The following LIMCH1 variants were observed in gnomAD, a reference collection of about 807,000 sequenced individuals.
The protein encoded by LIMCH1 is LIM and calponin homology domains 1, also known as LIM and calponin homology domains-containing protein 1.
Under a neutral mutation model 176.5 loss-of-function variants are expected in LIMCH1, and 113 were observed. The observed-to-expected ratio is 0.64, with a 90% CI of 0.55 to 0.75. LIMCH1 has a LOEUF of 0.75. Among genes scored for constraint, LIMCH1 ranks in the 30% least tolerant of loss-of-function variants. The pLI is 0.00. For synonymous variants in LIMCH1, 619 were observed against 645.9 expected, an observed-to-expected ratio of 0.96 and a Z score of 0.63; for missense variants, 1,674 against 1,814.9, an observed-to-expected ratio of 0.92 and a Z score of 1.41.
Position 41,697,249 on chromosome 4 carries a change from T to G in LIMCH1, c.*64T>G. 6.6e-7 allele frequency: 1 copy of G among 1,504,840 alleles called. No homozygotes were observed. The highest frequency in any genetic ancestry group is 9.2e-7 in the Non-Finnish European group (1 of 1,082,148). The allele number at this position is 1,504,840 out of a possible 1,614,324, so 93.2% of individuals were successfully genotyped here. On this transcript the variant is annotated 3_prime_UTR_variant, in exon 32 of 32. Coordinates refer to ENST00000503057, the MANE Select transcript of LIMCH1 (RefSeq NM_001330672.2). Reference sequence around the variant, plus strand: ...ACTGAGAGTGTCCCCTGGCAACTGCTTAACAAAATCCCAAGCTCAGGGGCT... The same window carrying G: ...ACTGAGAGTGTCCCCTGGCAACTGCGTAACAAAATCCCAAGCTCAGGGGCT...
intron 3 of LIMCH1, among the ~76,000 whole-genome samples, chr4:41,530,860 C>T (rs1423323101): frequency 1.8e-5 from 2 of 110,142 alleles, no homozygotes; most frequent in Admixed American, 1.2e-4. Context: ...GCAGGCAAGG[C>T]AGGGAAGAGG....
chr4:41,629,629 G>T lies in LIMCH1; in HGVS notation c.1166G>T (p.Gly389Val), dbSNP rs1299422649. The change falls in exon 9 of 32, where the codon GGC (glycine) becomes GTC (valine). Residue 389 changes from glycine to valine, a missense_variant. By Grantham distance (109) the Gly-to-Val change is moderately radical. Around this residue, in one of 3 missense-constraint regions of LIMCH1, gnomAD observed 655 missense variants for 692.2 expected, o/e 0.95. Transcript: ENST00000503057. ...GACCTGGCCCAGCAGAGAATTCAGG[G>T]CAGCCTTGCCCCTCACCGCGAGCCC... Reference protein sequence around the residue: ...KDDLAQQRIQGSLAPHREPPS... With the variant: ...KDDLAQQRIQVSLAPHREPPS... 1.3e-6 allele frequency: 2 copies of T among 1,535,934 alleles called. No individual in the cohort carries two copies. The highest frequency in any genetic ancestry group is 1.4e-5 in the African/African-American group (1 of 72,996).
At chr4:41,405,132 A>G (rs2058832427) in intron 1 of LIMCH1, among the ~76,000 whole-genome samples, 1 of 152,166 alleles carries the variant, frequency 6.6e-6, no homozygotes, top group Non-Finnish European at 1.5e-5. Context: ...TTACCGTACT[A>G]TCCACATGTA....
chr4:41,470,610 G>A (rs2066809241), intron 1 of LIMCH1, among the ~76,000 whole-genome samples: 1 of 152,126 alleles, frequency 6.6e-6, no homozygotes, highest in South Asian at 2.1e-4. Flanking sequence ...TCATGTCAAG[G>A]TTACCTGTGT....
At chr4:41,660,872 C>T (rs539740055) in intron 18 of LIMCH1, among the ~76,000 whole-genome samples, 1 of 151,990 alleles carries the variant, frequency 6.6e-6, no homozygotes, top group African/African-American at 2.4e-5. Context: ...GAGTAAGAAC[C>T]AGTGAGAAAA....
At chr4:41,402,235 T>C (rs1185227946) in intron 1 of LIMCH1, among the ~76,000 whole-genome samples, 2 of 152,094 alleles carry the variant, frequency 1.3e-5, no homozygotes, top group Admixed American at 6.6e-5. Flanking sequence ...ATGCTCATCA[T>C]CACTGGCCAT....
chr4:41,398,967 G>A (rs1320842059), intron 1 of LIMCH1, among the ~76,000 whole-genome samples: 1 of 152,292 alleles, frequency 6.6e-6, no homozygotes, highest in East Asian at 1.9e-4. Context: ...TCTTTGTGTT[G>A]TGGTGTCCAG....
chr4:41,684,412 C>T lies in LIMCH1; in HGVS notation c.3861C>T (p.Ala1287=), dbSNP rs1718902290. The T allele has an allele frequency of 1.2e-6, 2 of 1,613,568 alleles. No individual in the cohort carries two copies. Among genetic ancestry groups the T allele is most frequent in the Non-Finnish European group, 1.7e-6 (2 of 1,179,766 alleles). The change falls in exon 27 of 32, where the codon GCC becomes GCT. Residue 1287 remains alanine (A), a synonymous_variant. Transcript: ENST00000503057. ...ATTTTAACAGCCTAACTGAAGGGGC[C>T]TTGGCTCATTCTGGGAACCCTGTAT... The part of the protein sequence containing the change: ...LEEKGSLTEG[A]LAHSGNPVSK...
rs1457922473 is a variant in LIMCH1 at position 41,646,129 on chromosome 4, G to A, written c.2260G>A (p.Ala754Thr). The A allele has an allele frequency of 1.9e-6, 3 of 1,607,380 alleles. No individual in the cohort carries two copies. The highest frequency in any genetic ancestry group is 2.5e-6 in the Non-Finnish European group (3 of 1,178,456). Residue 754 changes from alanine to threonine, a missense_variant, in exon 16 of 32, where the codon GCT (alanine) becomes ACT (threonine). Physicochemically the swap from Ala to Thr is moderately conservative, Grantham distance 58. Transcript: ENST00000503057. ...ATCTTTCTTTCCCTGCCAGGACCTGGCTCGTTGGAAGAGTCGTAGAAGAAG... is the reference window on the plus strand; with the variant it reads ...ATCTTTCTTTCCCTGCCAGGACCTGACTCGTTGGAAGAGTCGTAGAAGAAG... ...EEDDKWQDDL[A>T]RWKSRRRSVS... is the part of the protein sequence containing the mutation.
rs757699629 is a variant in LIMCH1, at chr4:41,613,503, G to A, written c.47G>A (p.Arg16Gln). 8 of 1,613,946 alleles carry A rather than the reference G, an allele frequency of 5.0e-6. No individual in the cohort carries two copies. The highest frequency in any genetic ancestry group is 2.2e-5 in the East Asian group (1 of 44,878). Residue 16 changes from arginine to glutamine, a missense_variant, in exon 5 of 32, where the codon CGA becomes CAA. Transcript: ENST00000503057. The stretch of plus-strand genomic sequence containing the variant: ...ATTGAAAGTCCTAAACGCAGTATCC[G>A]AGACAGTGGCTACATCGACTGCTGG... Reference protein sequence around the residue: ...DDIESPKRSIRDSGYIDCWDS... With the variant: ...DDIESPKRSIQDSGYIDCWDS...
At chr4:41,510,015 C>G (rs576713821) in intron 2 of LIMCH1, among the ~76,000 whole-genome samples, 1 of 152,330 alleles carries the variant, frequency 6.6e-6, no homozygotes, top group South Asian at 2.1e-4. Context: ...CTTGTCACTT[C>G]CTTTCTCCTA....
chr4:41,500,435 C>T lies in LIMCH1; in HGVS notation c.167+5829C>T, dbSNP rs369882485. ...TCCATACTTTTACATTACCCTTAAT[C>T]GCTAAAAAATTCTCTATAGATAACG... On this transcript the variant is annotated intron_variant, in intron 2 of 26. Coordinates refer to the LIMCH1 transcript ENST00000313860. 4.5e-4 allele frequency among the ~76,000 whole-genome samples: 68 copies of T among 152,208 alleles called. No individual in the cohort carries two copies. The South Asian group carries it at 6.9e-3, about 15-fold the overall frequency.
chr4:41,498,268 A>G (rs892062324), intron 2 of LIMCH1, among the ~76,000 whole-genome samples: 16 of 152,206 alleles, frequency 1.1e-4, no homozygotes, highest in African/African-American at 2.9e-4. Flanking sequence ...GAGCACCTAC[A>G]TACAGCATGT....
chr4:41,526,521 T>C (rs931740255), intron 3 of LIMCH1, among the ~76,000 whole-genome samples: 9 of 152,084 alleles, frequency 5.9e-5, no homozygotes, highest in African/African-American at 2.2e-4. Flanking sequence ...CAGATCGCCA[T>C]CCCGCAACCC....
intron 1 of LIMCH1, among the ~76,000 whole-genome samples, chr4:41,438,648 C>G (rs926167999): frequency 2.0e-5 from 3 of 151,950 alleles, no homozygotes; most frequent in Non-Finnish European, 4.4e-5. Context: ...TGGCTTGTGC[C>G]TTTTTATTAC....
intron 18 of LIMCH1, among the ~76,000 whole-genome samples, chr4:41,650,816 T>C (rs2094263231): frequency 1.3e-5 from 2 of 151,850 alleles, no homozygotes; most frequent in Non-Finnish European, 2.9e-5. Flanking sequence ...AAAACCAAGG[T>C]GTTGGCAGGG....
chr4:41,664,485 TAATG>T (rs1328701059), intron 20 of LIMCH1, among the ~76,000 whole-genome samples: 1 of 152,190 alleles, frequency 6.6e-6, no homozygotes, highest in Non-Finnish European at 1.5e-5. Flanking sequence ...TATAGATAAT[TAATG>T]GTCTGCAGGT....
intron 1 of LIMCH1, among the ~76,000 whole-genome samples, chr4:41,376,012 A>G (rs1225410783): frequency 1.3e-5 from 2 of 152,224 alleles, no homozygotes; most frequent in Non-Finnish European, 2.9e-5. Context: ...TGTAGAAAAT[A>G]TGTTTTTTGA....
chr4:41,572,276 C>A (rs1669578961), intron 1 of LIMCH1, among the ~76,000 whole-genome samples: 1 of 152,164 alleles, frequency 6.6e-6, no homozygotes, highest in Non-Finnish European at 1.5e-5. Context: ...TATAGAGATA[C>A]ACACAGTTCG....
Sources: allele counts gnomAD v4.1 joint callset (sites outside exome capture counted in the v4.1 genomes callset), GRCh38; gene constraint gnomAD v4.1.1; regional missense constraint gnomAD v4.1.1; transcripts MANE v1.5; gene names NCBI Gene and HGNC (gene_info 2026-07-23, HGNC 2026-07-21).